The following SHOC1 variants were observed in gnomAD, a reference collection of about 807,000 sequenced individuals.
SHOC1 encodes protein shortage in chiasmata 1 ortholog.
A neutral mutation model predicts 179.2 loss-of-function variants in SHOC1; 136 were observed. The observed-to-expected ratio is 0.76, with a 90% confidence interval of 0.66 to 0.87. The LOEUF (loss-of-function observed/expected upper bound fraction) is 0.87, where lower values mean the gene tolerates loss of function less well. SHOC1 is among the 40% of genes least tolerant of loss of function. The pLI is 0.00. For missense variants in SHOC1, 1,538 were observed against 1,700.8 expected (o/e 0.90, Z 1.68); for synonymous variants, 489 against 586.6 (o/e 0.83, Z 2.41).
chr9:111,783,769 GA>G (rs933669762), intron 3 of SHOC1, among the ~76,000 whole-genome samples: 58 of 152,254 alleles, frequency 3.8e-4, no homozygotes, highest in African/African-American at 1.3e-3. Context: ...CCATACACAG[GA>G]AGTTACATGA....
rs1438504815 is a variant in SHOC1 at position 111,775,741 on chromosome 9, G to T, written c.442+50C>A. The T allele has an allele frequency of 3.4e-6, 5 of 1,479,070 alleles. No individual in the cohort carries two copies. In the African/African-American group the frequency reaches 5.7e-5, roughly 17 times the overall value. The allele number at this position is 1,479,070 out of a possible 1,614,324, so 91.6% of individuals were successfully genotyped here. A position where few individuals can be genotyped will look rare whatever the true frequency, so the allele number is the denominator to read the frequency against. On this transcript the variant is annotated intron_variant, in intron 5 of 27. Coordinates refer to ENST00000682961, the MANE Select transcript of SHOC1 (RefSeq NM_001378211.1). ...ACAAAAAACTCACTGAAAAGAATAT[G>T]TGTATATCAGTAAGAAATGTTTTAC...
chr9:111,783,481 C>A (rs1235721970), intron 3 of SHOC1: 1 of 152,194 alleles, frequency 6.6e-6, no homozygotes, highest in Non-Finnish European at 1.5e-5. Flanking sequence ...CTTCTTGAAG[C>A]ACTTTCTTCT....
intron 2 of SHOC1, among the ~76,000 whole-genome samples, chr9:111,789,348 A>G (rs1836372035): frequency 6.6e-6 from 1 of 152,218 alleles, no homozygotes; most frequent in African/African-American, 2.4e-5. Flanking sequence ...ACAAAATTTC[A>G]TTTATAGTTA....
intron 5 of SHOC1, chr9:111,759,239 A>G (rs1835026147): frequency 1.2e-6 from 2 of 1,613,828 alleles, no homozygotes; most frequent in Non-Finnish European, 1.7e-6. Flanking sequence ...TCTTCTCTGC[A>G]TCATTTTACC....
At chr9:111,686,958 T>TC in intron 27 of SHOC1, 88 bp from the exon 28 acceptor site, 8 of 763,096 alleles carry the variant, frequency 1.0e-5, no homozygotes, top group Admixed American at 3.4e-5. Flanking sequence ...TTTTTTTTCT[T>TC]TTTTGAGATG....
At chr9:111,775,088 T>G (rs1235496341) in intron 5 of SHOC1, among the ~76,000 whole-genome samples, 3 of 152,036 alleles carry the variant, frequency 2.0e-5, no homozygotes. Context: ...CTCCGTCCCC[T>G]GGGTTCAAGT....
chr9:111,771,054 G>T (rs1835587783), intron 5 of SHOC1, among the ~76,000 whole-genome samples: 1 of 151,844 alleles, frequency 6.6e-6, no homozygotes, highest in Admixed American at 6.6e-5. Context: ...CCATTTTGTT[G>T]CCTATTTTCT....
intron 22 of SHOC1, among the ~76,000 whole-genome samples, chr9:111,703,401 A>G (rs1455642062): frequency 6.6e-6 from 1 of 152,194 alleles, no homozygotes; most frequent in African/African-American, 2.4e-5. Flanking sequence ...TCACCCAAGA[A>G]TTTATACATA....
At chr9:111,772,965 A>G (rs1238610173) in intron 5 of SHOC1, among the ~76,000 whole-genome samples, 1 of 151,528 alleles carries the variant, frequency 6.6e-6, no homozygotes, top group Non-Finnish European at 1.5e-5. Context: ...CATAGAAACC[A>G]TGAGTTTGGG....
intron 13 of SHOC1, among the ~76,000 whole-genome samples, chr9:111,724,160 A>C (rs928357096): frequency 6.6e-6 from 1 of 152,140 alleles, no homozygotes; most frequent in Non-Finnish European, 1.5e-5. Context: ...CAGTTTCCTC[A>C]TATGTAAAAT....
At chr9:111,785,061 T>C (rs559326464) in intron 3 of SHOC1, among the ~76,000 whole-genome samples, 88 of 152,294 alleles carry the variant, frequency 5.8e-4, no homozygotes, top group Non-Finnish European at 8.8e-4. Context: ...CCTTTTTCAT[T>C]ACCCAGTCAC....
Position 111,723,878 on chromosome 9 carries a change from T to G in SHOC1, c.1868A>C (p.Glu623Ala). 6.3e-7 allele frequency: 1 copy of G among 1,580,126 alleles called. No individual in the cohort carries two copies. The highest frequency in any genetic ancestry group is 8.7e-7 in the Non-Finnish European group (1 of 1,151,674). Reference protein sequence around the residue: ...KEACSLTLQEESPIVHINKTL... With the variant: ...KEACSLTLQEASPIVHINKTL... Reference sequence around the variant, plus strand: ...TTTATTAATATGAACAATAGGACTTTCTTCTTGAAGTGTCAAAGAACATGC... The same window carrying G: ...TTTATTAATATGAACAATAGGACTTGCTTCTTGAAGTGTCAAAGAACATGC... The change falls in exon 14 of 28, where the codon GAA (glutamate) becomes GCA (alanine). Residue 623 changes from glutamate (E) to alanine (A), a missense_variant. Glu to Ala is a moderately radical substitution (Grantham distance 107). Coordinates refer to ENST00000682961, the MANE Select transcript of SHOC1 (RefSeq NM_001378211.1).
intron 5 of SHOC1, among the ~76,000 whole-genome samples, chr9:111,766,043 C>G (rs1448893885): frequency 3.3e-5 from 5 of 151,976 alleles, no homozygotes; most frequent in Admixed American, 2.6e-4. Flanking sequence ...CTTTTTTCCC[C>G]CTCATCCCCC....
At chr9:111,765,043 A>T (rs1835293179) in intron 5 of SHOC1, among the ~76,000 whole-genome samples, 1 of 152,004 alleles carries the variant, frequency 6.6e-6, no homozygotes, top group African/African-American at 2.4e-5. Flanking sequence ...TGGGAGGCTG[A>T]GGCGGGAGAA....
intron 2 of SHOC1, 30 bp downstream of exon 2, chr9:111,791,344 T>C: frequency 7.5e-7 from 1 of 1,335,134 alleles, no homozygotes; most frequent in Non-Finnish European, 1.0e-6. Context: ...TAATTCTCAG[T>C]AAATAGACAG....
At chr9:111,747,078 GTAAT>G (rs1834323727) in intron 9 of SHOC1, among the ~76,000 whole-genome samples, 1 of 152,056 alleles carries the variant, frequency 6.6e-6, no homozygotes, top group African/African-American at 2.4e-5. Context: ...ATTATAAAGA[GTAAT>G]TATTCACCTT....
chr9:111,741,139 TTTTTTA>T (rs1834019964), intron 11 of SHOC1, among the ~76,000 whole-genome samples: 1 of 152,178 alleles, frequency 6.6e-6, no homozygotes, highest in African/African-American at 2.4e-5. Flanking sequence ...GATGAGATTT[TTTTTTA>T]TTTTTATTTT....
chr9:111,700,076 A>T, intron 23 of SHOC1, 29 bp from the exon 24 acceptor site: 15 of 1,069,382 alleles, frequency 1.4e-5, no homozygotes, highest in Non-Finnish European at 2.1e-5. Context: ...CTATATTTCT[A>T]TTCATTTGAT....
At position 111,692,465 on chromosome 9, in the gene SHOC1, A is replaced by T; in HGVS notation, c.3512T>A (p.Ile1171Lys). The T allele has an allele frequency of 6.2e-7, 1 of 1,603,878 alleles. No homozygotes were observed. The highest frequency in any genetic ancestry group is 2.2e-5 in the East Asian group (1 of 44,708). ...TSLFKIGSSS[I>K]TKSPQISSPQ... ...TGACGAAATTTGCGGTGATTTTGTT[A>T]TGGAAGAAGAACCAATCTTGAATAG... is the stretch of plus-strand genomic sequence containing the variant. Residue 1171 changes from isoleucine (I) to lysine (K), a missense_variant, in exon 27 of 28, where the codon ATA becomes AAA. Transcript: ENST00000682961.
Sources: gnomAD v4.1 joint callset for allele counts (sites outside exome capture counted in the v4.1 genomes callset) on GRCh38, gnomAD v4.1.1 for gene constraint, MANE v1.5 for transcripts, NCBI Gene and HGNC (gene_info 2026-07-23, HGNC 2026-07-21) for gene names.